ABCC5: variants seen among roughly 807,000 people sequenced by gnomAD.
ABCC5 encodes ATP binding cassette subfamily C member 5, also known as ATP-binding cassette sub-family C member 5.
Under a neutral mutation model 160.9 loss-of-function variants are expected in ABCC5, and 61 were observed. The observed-to-expected ratio is 0.38, with a 90% confidence interval of 0.31 to 0.47. The LOEUF (loss-of-function observed/expected upper bound fraction) is 0.47. Ranked by LOEUF, ABCC5 falls within the 20% of genes least tolerant of loss-of-function variation. The pLI, the probability that ABCC5 is intolerant of heterozygous loss-of-function variation, is 0.99. For missense variants in ABCC5, 1,308 were observed against 1,813.3 expected, an observed-to-expected ratio of 0.72 and a Z score of 5.06; for synonymous variants, 666 against 700.6, an observed-to-expected ratio of 0.95 and a Z score of 0.78.
chr3:183,955,359 A>G (rs538166700), intron 17 of ABCC5, among the ~76,000 whole-genome samples: 6 of 152,340 alleles, frequency 3.9e-5, no homozygotes, highest in African/African-American at 1.4e-4. Flanking sequence ...GGATCTCTAT[A>G]TAAATGTTAA....
At chr3:183,992,518 A>G (rs1276767049) in intron 2 of ABCC5, among the ~76,000 whole-genome samples, 1 of 152,166 alleles carries the variant, frequency 6.6e-6, no homozygotes, top group African/African-American at 2.4e-5. Flanking sequence ...CTTTCAAAGC[A>G]TATACGCCTG....
intron 2 of ABCC5, among the ~76,000 whole-genome samples, chr3:183,999,222 G>A (rs1234273920): frequency 6.6e-6 from 1 of 151,312 alleles, no homozygotes. Context: ...TCCTCTCTAG[G>A]CTTCCTAAAA....
At position 183,921,553 on chromosome 3, in the gene ABCC5, A is replaced by ATTTTCAACT; in HGVS notation, c.4213-161_4213-153dup. 2.0e-6 allele frequency: 1 copy of ATTTTCAACT among 494,294 alleles called. No individual in the cohort carries two copies. Among genetic ancestry groups the ATTTTCAACT allele is most frequent in the Admixed American group, 4.4e-5 (1 of 22,918 alleles). The allele number at this position is 494,294 out of a possible 1,614,324, so 30.6% of individuals were successfully genotyped here. The stretch of plus-strand genomic sequence containing the variant: ...CGTGCACCTCCCCCCTTATTTTTTT[A>ATTTTCAACT]TTTTCAACTATCCAGGGAGTAAGGG... On this transcript the variant is annotated intron_variant, in intron 29 of 29. Transcript: ENST00000334444. The surrounding 1 kb of genome is among the most constrained non-coding windows in gnomAD (Gnocchi z 4.1).
chr3:183,993,020 A>C (rs1262045170), intron 2 of ABCC5, among the ~76,000 whole-genome samples: 2 of 152,234 alleles, frequency 1.3e-5, no homozygotes, highest in Non-Finnish European at 2.9e-5. Flanking sequence ...AATTTTTTGT[A>C]ATGCAGGTCT....
intron 5 of ABCC5, chr3:183,983,896 T>A: frequency 1.0e-6 from 1 of 985,438 alleles, no homozygotes; most frequent in Non-Finnish European, 1.2e-6. Flanking sequence ...GGACTAGCCA[T>A]CTAACAGGTC....
In ABCC5 at chr3:183,942,688, C is replaced by T. The variant is rs372002175; in HGVS notation, c.3694+39G>A. The T allele has an allele frequency of 2.3e-5, 36 of 1,593,440 alleles. No individual in the cohort carries two copies. The East Asian group carries it at 3.6e-4, about 16-fold the overall frequency. ...GAAAGTGATATTTCATAAACTGCTA[C>T]GTTCCAATGGATTCAAAGAAGGCTT... is the stretch of plus-strand genomic sequence containing the variant. On this transcript the variant is annotated intron_variant, in intron 25 of 29. Transcript: ENST00000334444.
intron 26 of ABCC5, among the ~76,000 whole-genome samples, chr3:183,935,161 G>C (rs1377218196): frequency 6.6e-6 from 1 of 151,800 alleles, no homozygotes; most frequent in Admixed American, 6.6e-5. Context: ...TTACAGGCAT[G>C]AGCCACCACG....
chr3:183,981,986 A>G lies in ABCC5; in HGVS notation c.1000-112T>C, dbSNP rs989680523. 18 of 1,185,268 alleles carry G rather than the reference A, an allele frequency of 1.5e-5. 1 individual carries two copies. The African/African-American group carries it at 2.8e-4, about 18-fold the overall frequency. The allele number at this position is 1,185,268 out of a possible 1,614,324, so 73.4% of individuals were successfully genotyped here. A position where few individuals can be genotyped will look rare whatever the true frequency, so the allele number is the denominator to read the frequency against. On this transcript the variant is annotated intron_variant, in intron 7 of 29. Coordinates refer to ENST00000334444, the MANE Select transcript of ABCC5 (RefSeq NM_005688.4). Reference sequence around the variant, plus strand: ...TGAGCATATAATCCTGCTTGCTAGGATGGGCCAAATGTTATGTAATCGTAC... The same window carrying G: ...TGAGCATATAATCCTGCTTGCTAGGGTGGGCCAAATGTTATGTAATCGTAC...
intron 27 of ABCC5, chr3:183,927,835 TG>T (rs1334606078): frequency 1.0e-6 from 1 of 984,980 alleles, no homozygotes; most frequent in African/African-American, 1.7e-5. Flanking sequence ...AAACATTTTT[TG>T]TAAGCTGCAG....
chr3:183,938,361 C>T (rs1402702852), intron 25 of ABCC5, among the ~76,000 whole-genome samples: 1 of 151,754 alleles, frequency 6.6e-6, no homozygotes, highest in Non-Finnish European at 1.5e-5. Flanking sequence ...TGCGGTGGTG[C>T]GATCTCGGCT....
intron 29 of ABCC5, among the ~76,000 whole-genome samples, chr3:183,925,181 A>G (rs2108755839): frequency 6.6e-6 from 1 of 152,300 alleles, no homozygotes; most frequent in East Asian, 1.9e-4. Context: ...ATCACTAAGT[A>G]CATGTACCAG....
chr3:183,956,641 T>C (rs1716025695), intron 17 of ABCC5, among the ~76,000 whole-genome samples: 1 of 145,532 alleles, frequency 6.9e-6, no homozygotes, highest in African/African-American at 2.6e-5. Context: ...CGTGTGTAAA[T>C]CACATCGGTT....
At chr3:183,973,588 T>C (rs1021563790) in intron 10 of ABCC5, among the ~76,000 whole-genome samples, 5 of 152,108 alleles carry the variant, frequency 3.3e-5, no homozygotes, top group African/African-American at 1.2e-4. Context: ...AAACCCTTTC[T>C]CTCTTAGATT....
rs539948023 is a variant in ABCC5 at position 183,933,432 on chromosome 3, C to T, written c.3854+4469G>A. 7.9e-4 allele frequency among the ~76,000 whole-genome samples: 120 copies of T among 152,180 alleles called. 3 individuals carry two copies. In the South Asian group the frequency reaches 0.016, roughly 21 times the overall value. ...CCAGCTGCGGGGGATAGGACAGAGG[C>T]CAGGGCTGGGTTTCCTGGGTCCAGG... On this transcript the variant is annotated intron_variant, in intron 26 of 29. Coordinates refer to ENST00000334444, the MANE Select transcript of ABCC5 (RefSeq NM_005688.4).
Position 183,942,888 on chromosome 3 carries a change from A to C in ABCC5, c.3533T>G (p.Ile1178Ser), listed in dbSNP as rs1346511410. Residue 1178 changes from isoleucine to serine, a missense_variant, in exon 25 of 30, where the codon ATT becomes AGT. By Grantham distance (142) the Ile-to-Ser change is moderately radical. Coordinates refer to ENST00000334444, the MANE Select transcript of ABCC5 (RefSeq NM_005688.4). ...GTCAGGGGAGGGAGCCTTGTTCTTA[A>C]TTCTGGCAGGTGCTTCCAAGGACAG... ...KTLSLEAPAR[I>S]KNKAPSPDWP... 11 of 1,613,710 alleles carry C rather than the reference A, an allele frequency of 6.8e-6. No homozygotes were observed. Among genetic ancestry groups the C allele is most frequent in the Non-Finnish European group, 9.3e-6 (11 of 1,179,774 alleles).
intron 2 of ABCC5, chr3:184,009,868 G>T: frequency 3.3e-6 from 1 of 304,696 alleles, no homozygotes; most frequent in Non-Finnish European, 6.7e-6. Context: ...AAGTTTAGGG[G>T]CAGGGTGTGG....
chr3:183,927,533 C>G, intron 27 of ABCC5, 90 bp from the exon 28 acceptor site: 1 of 1,504,320 alleles, frequency 6.6e-7, no homozygotes, highest in South Asian at 1.2e-5. Flanking sequence ...ATTCTGAAAG[C>G]GATGAAAGAA....
In ABCC5 at chr3:184,017,679, G is replaced by C. The variant is rs941312225; in HGVS notation, c.-56+151C>G. ...TAGGAGGCGGCGGCAGGAGACCAGG[G>C]GGAGGCCATACGCCGTTCCCCAAGT... On this transcript the variant is annotated intron_variant, in intron 1 of 29. Transcript: ENST00000334444. This position sits in a 1 kb window ranked among gnomAD's most constrained non-coding sequence, Gnocchi z 4.5. Among the ~76,000 whole-genome samples the C allele has an allele frequency of 6.6e-6, 1 of 152,202 alleles. No homozygotes were observed. The highest frequency in any genetic ancestry group is 1.5e-5 in the Non-Finnish European group (1 of 68,026).
intron 12 of ABCC5, among the ~76,000 whole-genome samples, chr3:183,967,023 T>TC (rs200027414): frequency 1.4e-5 from 2 of 143,948 alleles, no homozygotes; most frequent in Non-Finnish European, 3.0e-5. Flanking sequence ...TTTTTTTTTT[T>TC]CTGGATTGTT....
Sources: gnomAD v4.1 joint callset for allele counts (sites outside exome capture counted in the v4.1 genomes callset) on GRCh38, gnomAD v4.1.1 for gene constraint, Gnocchi (gnomAD v3.1) non-coding constraint, MANE v1.5 for transcripts, NCBI Gene and HGNC (gene_info 2026-07-23, HGNC 2026-07-21) for gene names.